The following IL1RAPL1 variants were observed in gnomAD, a reference collection of about 807,000 sequenced individuals.
IL1RAPL1 encodes the protein interleukin-1 receptor accessory protein-like 1.
In IL1RAPL1, 3 loss-of-function variants were observed where a neutral mutation model predicts 48.4. The ratio of observed to expected loss-of-function variants is 0.06; its 90% CI spans 0.03 to 0.16. The LOEUF is 0.16. IL1RAPL1 is among the 10% of genes least tolerant of loss of function. The pLI is 1.00. For missense variants in IL1RAPL1, 349 were observed against 530.6 expected (o/e 0.66, Z 3.36); for synonymous variants, 185 against 187.7 (o/e 0.99, Z 0.12).
intron 2 of IL1RAPL1, among the ~76,000 whole-genome samples, chrX:28,917,498 G>A (rs1452277328): frequency 9.0e-6 from 1 of 111,610 alleles, no homozygotes; most frequent in Admixed American, 9.5e-5. Context: ...GAAATTTATT[G>A]AGACTAAGTA....
intron 5 of IL1RAPL1, among the ~76,000 whole-genome samples, chrX:29,539,508 C>G (rs749860599): frequency 3.6e-5 from 4 of 110,919 alleles, no homozygotes; most frequent in African/African-American, 1.3e-4. Context: ...GATCTATGTC[C>G]CCACCCAAAT....
chrX:29,762,743 T>C (rs1158132506), intron 6 of IL1RAPL1, among the ~76,000 whole-genome samples: 1 of 111,877 alleles, frequency 8.9e-6, no homozygotes, highest in Non-Finnish European at 1.9e-5. Flanking sequence ...GAATTTTGCT[T>C]TGATGGTAAT....
intron 1 of IL1RAPL1, among the ~76,000 whole-genome samples, chrX:28,596,281 T>A (rs770824750): frequency 9.0e-6 from 1 of 111,534 alleles, no homozygotes; most frequent in African/African-American, 3.3e-5. Flanking sequence ...AGAATTAATA[T>A]TAGGTAGTTT....
At chrX:29,717,223 C>T (rs1470378842) in intron 6 of IL1RAPL1, among the ~76,000 whole-genome samples, 1 of 110,138 alleles carries the variant, frequency 9.1e-6, no homozygotes, top group African/African-American at 3.3e-5. Context: ...CACACACACA[C>T]ACACACACAC....
At chrX:29,242,615 C>G (rs1476102864) in intron 2 of IL1RAPL1, among the ~76,000 whole-genome samples, 1 of 112,097 alleles carries the variant, frequency 8.9e-6, no homozygotes, top group Non-Finnish European at 1.9e-5. Context: ...TAAAGGCTAC[C>G]AAGGATAATG....
At chrX:29,659,230 T>C (rs761798792) in intron 5 of IL1RAPL1, among the ~76,000 whole-genome samples, 1 of 111,885 alleles carries the variant, frequency 8.9e-6, no homozygotes, top group African/African-American at 3.2e-5. Flanking sequence ...AGAGTTGTTA[T>C]GACCAACCAT....
intron 6 of IL1RAPL1, among the ~76,000 whole-genome samples, chrX:29,810,051 T>C (rs1930348087): frequency 9.0e-6 from 1 of 111,716 alleles, no homozygotes; most frequent in African/African-American, 3.2e-5. Flanking sequence ...TTGTTAGTTT[T>C]ATTGTTATGC....
chrX:29,621,352 T>G (rs963451867), intron 5 of IL1RAPL1, among the ~76,000 whole-genome samples: 7 of 111,482 alleles, frequency 6.3e-5, no homozygotes, highest in Admixed American at 5.7e-4. Flanking sequence ...GATGAGTATA[T>G]GTACACATAT....
intron 5 of IL1RAPL1, among the ~76,000 whole-genome samples, chrX:29,474,832 A>C (rs1459662731): frequency 2.7e-5 from 3 of 111,491 alleles, no homozygotes; most frequent in Admixed American, 9.5e-5. Context: ...TTTCAACATG[A>C]GGTTTGGAGG....
Position 28,789,319 on chromosome X carries a change from G to T in IL1RAPL1, c.-24-1G>T. ...TTTCTTCTTTTTAATCTTTGCTTTA[G>T]GGAACGGCCTTTAAGAGCTGGAAGA... On this transcript the variant is annotated splice_acceptor_variant, in intron 1 of 10. Coordinates refer to ENST00000378993, the MANE Select transcript of IL1RAPL1 (RefSeq NM_014271.4). LOFTEE classifies it low-confidence loss of function (5UTR_SPLICE). 1 of 1,111,360 alleles carries T rather than the reference G, an allele frequency of 9.0e-7. No homozygotes were observed. The allele number at this position is 1,111,360 out of a possible 1,213,427, so 91.6% of individuals were successfully genotyped here.
chrX:29,203,136 C>T (rs1211357155), intron 2 of IL1RAPL1, among the ~76,000 whole-genome samples: 1 of 111,208 alleles, frequency 9.0e-6, no homozygotes, highest in Admixed American at 9.5e-5. Context: ...AGAAAAGTAC[C>T]GAATGGCACT....
chrX:29,120,305 T>A (rs1429661103), intron 2 of IL1RAPL1, among the ~76,000 whole-genome samples: 1 of 111,979 alleles, frequency 8.9e-6, no homozygotes, highest in African/African-American at 3.2e-5. Flanking sequence ...TCATCTCGAG[T>A]TATTTTTTAT....
At chrX:29,773,954 A>G (rs947357171) in intron 6 of IL1RAPL1, among the ~76,000 whole-genome samples, 13 of 112,022 alleles carry the variant, frequency 1.2e-4, no homozygotes, top group Non-Finnish European at 2.4e-4. Flanking sequence ...ATGTAACTCT[A>G]TATACATATA....
At chrX:29,063,837 A>G (rs1193610102) in intron 2 of IL1RAPL1, among the ~76,000 whole-genome samples, 1 of 112,245 alleles carries the variant, frequency 8.9e-6, no homozygotes. Context: ...CAACACCTGT[A>G]ATATGTATAT....
rs201726719 is a variant in IL1RAPL1 at position 29,824,660 on chromosome X, CAAGTT to C, written c.779-92802_779-92798del. On this transcript the variant is annotated intron_variant, in intron 6 of 10. Coordinates refer to ENST00000378993, the MANE Select transcript of IL1RAPL1 (RefSeq NM_014271.4). The stretch of plus-strand genomic sequence containing the variant: ...TTTTTCTAACAAGTAATTGCAGGTG[CAAGTT>C]ATGTTTGCAATCTTAAAAAAGGAAG... 7.7e-3 allele frequency among the ~76,000 whole-genome samples: 861 copies of C among 111,650 alleles called. 8 individuals are homozygous for C. Among genetic ancestry groups the C allele is most frequent in the African/African-American group, 0.027 (817 of 30,717 alleles).
At chrX:29,107,010 C>T (rs1261820128) in intron 2 of IL1RAPL1, among the ~76,000 whole-genome samples, 1 of 111,708 alleles carries the variant, frequency 9.0e-6, no homozygotes, top group Admixed American at 9.5e-5. Flanking sequence ...AAGATGACCT[C>T]TTTTTCTATT....
intron 2 of IL1RAPL1, among the ~76,000 whole-genome samples, chrX:28,857,664 C>T (rs1324994144): frequency 9.0e-6 from 1 of 111,095 alleles, no homozygotes; most frequent in East Asian, 2.8e-4. Context: ...ATTGTTGAGA[C>T]CTATTGCTCA....
At chrX:29,431,722 C>A (rs1471221651) in intron 5 of IL1RAPL1, among the ~76,000 whole-genome samples, 1 of 110,208 alleles carries the variant, frequency 9.1e-6, no homozygotes, top group African/African-American at 3.3e-5. Context: ...CTTTTTGCTA[C>A]TACATTTATC....
chrX:29,938,413 T>TCCA (rs1933069153), intron 8 of IL1RAPL1, among the ~76,000 whole-genome samples: 1 of 111,305 alleles, frequency 9.0e-6, no homozygotes, highest in Non-Finnish European at 1.9e-5. Context: ...CCCTGTGTAG[T>TCCA]GCCTCCAGAT....
Sources: allele counts gnomAD v4.1 joint callset (sites outside exome capture counted in the v4.1 genomes callset), GRCh38; gene constraint gnomAD v4.1.1; transcripts MANE v1.5; gene names NCBI Gene and HGNC (gene_info 2026-07-23, HGNC 2026-07-21).